FRMD6: variants seen among roughly 807,000 people sequenced by gnomAD.
The protein encoded by FRMD6 is FERM domain-containing protein 6.
Under a neutral mutation model 73.2 loss-of-function variants are expected in FRMD6, and 37 were observed. That is an observed-to-expected ratio of 0.51 (90% CI 0.39 to 0.66). FRMD6 has a LOEUF of 0.66. FRMD6 is among the 30% of genes least tolerant of loss of function. FRMD6 has a pLI of 0.00. For synonymous variants in FRMD6, 273 were observed against 282.2 expected (o/e 0.97, Z 0.33); for missense variants, 714 against 780.5 (o/e 0.91, Z 1.02).
At chr14:51,655,335 T>TGTC (rs1457915418) in intron 1 of FRMD6, among the ~76,000 whole-genome samples, 2 of 152,218 alleles carry the variant, frequency 1.3e-5, no homozygotes, top group Non-Finnish European at 2.9e-5. Flanking sequence ...AGTGTGTTTA[T>TGTC]GTCGTGATTG....
chr14:51,723,311 T>C (rs1232343617), intron 12 of FRMD6, among the ~76,000 whole-genome samples: 2 of 152,156 alleles, frequency 1.3e-5, no homozygotes, highest in East Asian at 3.8e-4. Context: ...CGCAGTGCCT[T>C]TGGGAAGGGA....
chr14:51,396,625 G>A, the FRMD6 span, among the ~76,000 whole-genome samples: 2 of 152,170 alleles, frequency 1.3e-5, no homozygotes, highest in East Asian at 3.9e-4. Flanking sequence ...CACGTCCAGA[G>A]GTGAAGGCAG....
At chr14:51,688,302 CTT>C (rs1895313760) in intron 1 of FRMD6, among the ~76,000 whole-genome samples, 1 of 152,054 alleles carries the variant, frequency 6.6e-6, no homozygotes, top group Non-Finnish European at 1.5e-5. Context: ...TCTAAATGGG[CTT>C]TTAGCCACCT....
chr14:51,548,936 G>A (rs1218999677), intron 1 of FRMD6, among the ~76,000 whole-genome samples: 1 of 152,162 alleles, frequency 6.6e-6, no homozygotes, highest in Non-Finnish European at 1.5e-5. Context: ...CTGGACCAAG[G>A]CGATTGGCAT....
At position 51,580,127 on chromosome 14, in the gene FRMD6, C is replaced by CGTGT. The variant is rs3060586; in HGVS notation, c.-147+9736_-147+9739dup. 6.0e-3 allele frequency among the ~76,000 whole-genome samples: 898 copies of CGTGT among 149,828 alleles called. 4 individuals are homozygous for CGTGT. The highest frequency in any genetic ancestry group is 6.5e-3 in the Non-Finnish European group (435 of 67,362). On this transcript the variant is annotated intron_variant, in intron 2 of 14. Coordinates refer to the FRMD6 transcript ENST00000356218. ...GAAGTAAAAGGGAAGTTGTGTGCAC[C>CGTGT]GTGTGTGTGTGTGTGTGTGTGTATG...
chr14:51,711,698 T>G, intron 8 of FRMD6, 102 bp downstream of exon 8: 1 of 771,862 alleles, frequency 1.3e-6, no homozygotes, highest in Non-Finnish European at 2.3e-6. Flanking sequence ...TTTTGGCCAC[T>G]GGCTGGTCAT....
chr14:51,602,285 G>C (rs1401423240), intron 2 of FRMD6, among the ~76,000 whole-genome samples: 2 of 152,170 alleles, frequency 1.3e-5, no homozygotes, highest in Admixed American at 6.5e-5. Context: ...ATGTGTGTGT[G>C]TAAATCCAGG....
intron 1 of FRMD6, among the ~76,000 whole-genome samples, chr14:51,516,435 G>A (rs970677905): frequency 7.9e-5 from 12 of 152,194 alleles, no homozygotes; most frequent in African/African-American, 4.8e-5. Flanking sequence ...CGGACAGTTA[G>A]CCAGGGCAGA....
the FRMD6 span, among the ~76,000 whole-genome samples, chr14:51,420,263 C>A: frequency 6.6e-6 from 1 of 152,156 alleles, no homozygotes; most frequent in Non-Finnish European, 1.5e-5. Flanking sequence ...ATTGTCACAG[C>A]AGCTAATATG....
chr14:51,505,813 C>T (rs1883933004), intron 1 of FRMD6, among the ~76,000 whole-genome samples: 1 of 152,202 alleles, frequency 6.6e-6, no homozygotes, highest in Non-Finnish European at 1.5e-5. Context: ...ATACATTTCT[C>T]TGCTCTAACC....
At chr14:51,524,441 C>A (rs551059642) in intron 1 of FRMD6, among the ~76,000 whole-genome samples, 2 of 151,886 alleles carry the variant, frequency 1.3e-5, no homozygotes, top group African/African-American at 4.8e-5. Flanking sequence ...GGGAGCGGGA[C>A]CTCTGGGGGC....
chr14:51,684,175 C>A (rs1282196165), intron 1 of FRMD6, among the ~76,000 whole-genome samples: 2 of 148,746 alleles, frequency 1.3e-5, no homozygotes, highest in Non-Finnish European at 1.5e-5. Context: ...AAAAAAAAAA[C>A]CCTCATAGTA....
At chr14:51,477,345 C>T in the FRMD6 span, among the ~76,000 whole-genome samples, 9 of 152,076 alleles carry the variant, frequency 5.9e-5, no homozygotes, top group Non-Finnish European at 1.0e-4. Flanking sequence ...GTGATGTTTA[C>T]GTGCAAAGGC....
At chr14:51,522,520 G>A (rs1026186047) in intron 1 of FRMD6, among the ~76,000 whole-genome samples, 3 of 152,116 alleles carry the variant, frequency 2.0e-5, no homozygotes, top group African/African-American at 7.2e-5. Flanking sequence ...GGTAGGGGCA[G>A]CAACATAATG....
At chr14:51,654,990 T>C (rs1161909632) in intron 1 of FRMD6, among the ~76,000 whole-genome samples, 1 of 151,838 alleles carries the variant, frequency 6.6e-6, no homozygotes, top group East Asian at 1.9e-4. Context: ...TCCTTATGGG[T>C]AAAGCATAGA....
rs377260843 is a variant in FRMD6 at position 51,637,465 on chromosome 14, G to GCGCACACACACACACA, written c.-146-52225_-146-52224insGCACACACACACACAC. ...AGGATCACATTGTTGATACACACAG[G>GCGCACACACACACACA]CACACACACACACACACACACACAC... On this transcript the variant is annotated intron_variant, in intron 2 of 14. Transcript: ENST00000356218. 8 of 132,666 alleles carry GCGCACACACACACACA rather than the reference G, an allele frequency of 6.0e-5. No homozygotes were observed. In the Admixed American group the frequency reaches 6.2e-4, roughly 10 times the overall value. The allele number at this position is 132,666 out of a possible 1,614,324, so 8.2% of individuals were successfully genotyped here.
intron 12 of FRMD6, among the ~76,000 whole-genome samples, chr14:51,722,489 G>A (rs887147742): frequency 2.0e-5 from 3 of 152,086 alleles, no homozygotes; most frequent in Admixed American, 2.0e-4. Context: ...TAGGCCTCCA[G>A]GTTTTTGGGG....
At chr14:51,490,645 G>A (rs866264582) in intron 1 of FRMD6, among the ~76,000 whole-genome samples, 32 of 64,732 alleles carry the variant, frequency 4.9e-4, no homozygotes, top group Admixed American at 8.2e-4. Context: ...TATAAAATGC[G>A]AAATTTCTTC....
intron 2 of FRMD6, among the ~76,000 whole-genome samples, chr14:51,580,750 G>A (rs1236876936): frequency 6.6e-6 from 1 of 152,194 alleles, no homozygotes; most frequent in Non-Finnish European, 1.5e-5. Flanking sequence ...AGGAAAGATA[G>A]TTAAAAGTAT....
Sources: gnomAD v4.1 joint callset for allele counts (sites outside exome capture counted in the v4.1 genomes callset) on GRCh38, gnomAD v4.1.1 for gene constraint, MANE v1.5 for transcripts, NCBI Gene and HGNC (gene_info 2026-07-23, HGNC 2026-07-21) for gene names.